Variants in COL5A1 observed in about 807,000 individuals in gnomAD.
COL5A1 encodes collagen type V alpha 1 chain.
COL5A1 carries 16 observed loss-of-function variants against 263.7 expected under a neutral mutation model. The observed-to-expected ratio is 0.06, with a 90% confidence interval of 0.04 to 0.09. COL5A1 has a LOEUF of 0.09. Ranked by LOEUF, COL5A1 falls within the 10% of genes least tolerant of loss-of-function variation. The pLI is 1.00. For missense variants in COL5A1, 2,036 were observed against 2,540.5 expected (o/e 0.80, Z 4.27); for synonymous variants, 1,012 against 1,004.5 (o/e 1.01, Z -0.14).
rs74642476 is a variant in COL5A1, at chr9:134,687,205, G to A, written c.110-3707G>A. Among the ~76,000 whole-genome samples the A allele has an allele frequency of 1.4e-4, 21 of 152,280 alleles. No individual in the cohort carries two copies. In the East Asian group the frequency reaches 2.7e-3, roughly 20 times the overall value. On this transcript the variant is annotated intron_variant, in intron 1 of 65. Coordinates refer to ENST00000371817, the MANE Select transcript of COL5A1 (RefSeq NM_000093.5). Reference sequence around the variant, plus strand: ...ATGGCCCTGCTGGCTGTGCCAGGGCGGAGGAGGCTGCCACCTCCCTCTCAC... The same window carrying A: ...ATGGCCCTGCTGGCTGTGCCAGGGCAGAGGAGGCTGCCACCTCCCTCTCAC...
chr9:134,781,731 T>C (rs1837264685), intron 28 of COL5A1, among the ~76,000 whole-genome samples: 1 of 152,130 alleles, frequency 6.6e-6, no homozygotes, highest in Non-Finnish European at 1.5e-5. Context: ...TCTGCATTAT[T>C]TGTGGCCGCT....
chr9:134,719,246 T>C (rs892548964), intron 4 of COL5A1, among the ~76,000 whole-genome samples: 12 of 151,986 alleles, frequency 7.9e-5, no homozygotes, highest in Non-Finnish European at 1.2e-4. Context: ...TGCATAAAAG[T>C]GTGTGCATGC....
At position 134,731,555 on chromosome 9, in the gene COL5A1, G is replaced by T. The variant is rs139406076; in HGVS notation, c.1224G>T (p.Thr408=). The change falls in exon 8 of 66, where the codon ACG becomes ACT. Residue 408 remains threonine, a synonymous_variant. Coordinates refer to ENST00000371817, the MANE Select transcript of COL5A1 (RefSeq NM_000093.5). ...DDLEGEFTEE[T]IRNLDENYYD... is the part of the protein sequence containing the mutation. ...TGGAGGGGGAGTTCACTGAGGAAAC[G>T]ATCCGGAACCTTGACGAGAACTACT... 13 of 1,614,100 alleles carry T rather than the reference G, an allele frequency of 8.1e-6. No individual in the cohort carries two copies. The highest frequency in any genetic ancestry group is 1.7e-5 in the Admixed American group (1 of 60,008).
At chr9:134,715,388 A>G (rs944153604) in intron 4 of COL5A1, among the ~76,000 whole-genome samples, 1 of 152,134 alleles carries the variant, frequency 6.6e-6, no homozygotes, top group African/African-American at 2.4e-5. Flanking sequence ...TTGCCCAGGG[A>G]CGAGCAGGAG....
chr9:134,684,962 A>G lies in COL5A1; in HGVS notation c.110-5950A>G, dbSNP rs1256861342. ...CCACCATCCATTCATCCATCCATCC[A>G]CCATCCATCCATTAATTCATCCATC... is the stretch of plus-strand genomic sequence containing the variant. On this transcript the variant is annotated intron_variant, in intron 1 of 65. Transcript: ENST00000371817. Among the ~76,000 whole-genome samples, 3 of 128,936 alleles carry G rather than the reference A, an allele frequency of 2.3e-5. No individual in the cohort carries two copies. In the East Asian group the frequency reaches 6.8e-4, roughly 29 times the overall value. 84.6% of individuals were successfully genotyped at this position (128,936 alleles called of 152,430 possible).
intron 64 of COL5A1, among the ~76,000 whole-genome samples, chr9:134,833,950 G>A (rs1383294761): frequency 6.6e-6 from 1 of 152,224 alleles, no homozygotes; most frequent in African/African-American, 2.4e-5. Context: ...GAGGCTGGAG[G>A]TGGGGAGGAG....
chr9:134,798,124 T>C (rs932225380), intron 36 of COL5A1, among the ~76,000 whole-genome samples: 2 of 152,202 alleles, frequency 1.3e-5, no homozygotes, highest in Non-Finnish European at 2.9e-5. Context: ...GACCTCAGGA[T>C]ACCAACTGGC....
intron 13 of COL5A1, 29 bp from the exon 14 acceptor site, chr9:134,752,560 G>A: frequency 1.3e-6 from 2 of 1,598,422 alleles, no homozygotes; most frequent in South Asian, 2.2e-5. Context: ...CTGGGGCCCT[G>A]TCTCAGCGTG....
intron 32 of COL5A1, among the ~76,000 whole-genome samples, chr9:134,792,175 G>A (rs1429537867): frequency 6.6e-6 from 1 of 152,208 alleles, no homozygotes; most frequent in South Asian, 2.1e-4. Context: ...AGAGCCTGCC[G>A]GGGCAGCCAG....
chr9:134,725,570 TC>T (rs1241302007), intron 4 of COL5A1, among the ~76,000 whole-genome samples: 2 of 152,208 alleles, frequency 1.3e-5, no homozygotes, highest in Non-Finnish European at 2.9e-5. Context: ...CATTTCTTAT[TC>T]CTACTAGCAG....
intron 41 of COL5A1, 98 bp downstream of exon 41, chr9:134,805,312 C>CT: frequency 7.2e-7 from 1 of 1,387,276 alleles, no homozygotes; most frequent in Non-Finnish European, 1.0e-6. Flanking sequence ...CTGCCCCAGA[C>CT]CCCCGAGGAG....
Position 134,680,705 on chromosome 9 carries a change from G to C in COL5A1, c.110-10207G>C, listed in dbSNP as rs1335140183. 2.6e-5 allele frequency among the ~76,000 whole-genome samples: 4 copies of C among 152,250 alleles called. No individual in the cohort carries two copies. On this transcript the variant is annotated intron_variant, in intron 1 of 65. Transcript: ENST00000371817. The surrounding 1 kb of genome is among the most constrained non-coding windows in gnomAD (Gnocchi z 5.9). ...TAATGCACCATGATGGGGTCTTGCA[G>C]GACGGTGACACTGGTGAGGAGATGG...
At chr9:134,695,027 A>G (rs557160709) in intron 2 of COL5A1, among the ~76,000 whole-genome samples, 127 of 152,254 alleles carry the variant, frequency 8.3e-4, no homozygotes, top group African/African-American at 3.0e-3. Context: ...CAGGCGAGGC[A>G]GTGTCCCCCC....
chr9:134,717,802 G>A (rs1268535929), intron 4 of COL5A1, among the ~76,000 whole-genome samples: 1 of 152,200 alleles, frequency 6.6e-6, no homozygotes, highest in East Asian at 1.9e-4. Flanking sequence ...TAAAGTCTGT[G>A]GGACAAGCAG....
chr9:134,738,851 G>T, intron 11 of COL5A1, 43 bp downstream of exon 11: 1 of 1,515,918 alleles, frequency 6.6e-7, no homozygotes, highest in African/African-American at 1.4e-5. Context: ...CAAGGTGTGG[G>T]GCTGCCCACG....
Position 134,758,035 on chromosome 9 carries a change from C to T in COL5A1, c.1882-208C>T, listed in dbSNP as rs75608682. The stretch of plus-strand genomic sequence containing the variant: ...TGAAAGTCATCTCCCCCTTTGCAGC[C>T]CATGTTCATGTTTGCAGGGGAAGAG... On this transcript the variant is annotated intron_variant, in intron 17 of 65. Transcript: ENST00000371817. This position sits in a 1 kb window ranked among gnomAD's most constrained non-coding sequence, Gnocchi z 4.1. Among the ~76,000 whole-genome samples the T allele has an allele frequency of 1.2e-3, 176 of 152,278 alleles. 1 individual carries two copies. Among genetic ancestry groups the T allele is most frequent in the African/African-American group, 4.0e-3 (167 of 41,560 alleles).
In COL5A1 at chr9:134,765,980, T is replaced by C. The variant is rs145261770; in HGVS notation, c.2088+246T>C. The stretch of plus-strand genomic sequence containing the variant: ...CCTCACGCCTCCGCTTCACCCTGGC[T>C]GCACTTCCTCCTGGCAGACAGCATG... On this transcript the variant is annotated intron_variant, in intron 21 of 65. Transcript: ENST00000371817. This position sits in a 1 kb window ranked among gnomAD's most constrained non-coding sequence, Gnocchi z 5.1. Among the ~76,000 whole-genome samples the C allele has an allele frequency of 7.3e-4, 112 of 152,386 alleles. No homozygotes were observed. The highest frequency in any genetic ancestry group is 2.5e-3 in the African/African-American group (105 of 41,604).
At chr9:134,710,400 G>T (rs1027573374) in intron 4 of COL5A1, among the ~76,000 whole-genome samples, 1 of 152,380 alleles carries the variant, frequency 6.6e-6, no homozygotes, top group South Asian at 2.1e-4. Flanking sequence ...CAGTGGGCAG[G>T]TAGGGGAGCC....
At chr9:134,811,661 T>C (rs1564475186) in intron 46 of COL5A1, 62 bp downstream of exon 46, 1 of 1,321,776 alleles carries the variant, frequency 7.6e-7, no homozygotes, top group Middle Eastern at 2.3e-4. Flanking sequence ...GTGTCTTCAT[T>C]GTGCTCTCTC....
Sources: allele counts gnomAD v4.1 joint callset (sites outside exome capture counted in the v4.1 genomes callset), GRCh38; gene constraint gnomAD v4.1.1; non-coding constraint Gnocchi (gnomAD v3.1); transcripts MANE v1.5; gene names NCBI Gene and HGNC (gene_info 2026-07-23, HGNC 2026-07-21).